The following GPC5 variants were observed in gnomAD, a reference collection of about 807,000 sequenced individuals.
GPC5 encodes glypican-5.
Under a neutral mutation model 53.9 loss-of-function variants are expected in GPC5, and 47 were observed. The ratio of observed to expected loss-of-function variants is 0.87; its 90% CI spans 0.69 to 1.11. The LOEUF (loss-of-function observed/expected upper bound fraction) is 1.11. Ranked by LOEUF, GPC5 falls within the 50% of genes most tolerant of loss-of-function variation. The probability of loss-of-function intolerance (pLI) is 0.00; values close to 1 mark genes in which losing one functional copy is unlikely to be tolerated. For synonymous variants in GPC5, 286 were observed against 263.3 expected, an observed-to-expected ratio of 1.09 and a Z score of -0.84; for missense variants, 748 against 713.1, an observed-to-expected ratio of 1.05 and a Z score of -0.56.
chr13:92,252,732 G>A (rs780027552), intron 7 of GPC5, among the ~76,000 whole-genome samples: 1 of 152,056 alleles, frequency 6.6e-6, no homozygotes, highest in African/African-American at 2.4e-5. Flanking sequence ...AGTAGGATTT[G>A]GTAATGCACA....
intron 6 of GPC5, among the ~76,000 whole-genome samples, chr13:92,002,519 A>G (rs973238236): frequency 2.0e-5 from 3 of 152,212 alleles, no homozygotes; most frequent in Admixed American, 2.0e-4. Context: ...TGCCACCAAC[A>G]TTTTGTTGGA....
intron 7 of GPC5, among the ~76,000 whole-genome samples, chr13:92,476,984 T>C (rs1300852669): frequency 6.6e-6 from 1 of 150,378 alleles, no homozygotes; most frequent in Non-Finnish European, 1.5e-5. Flanking sequence ...GCATGGCACG[T>C]GTATACATAT....
In GPC5 at chr13:91,459,152, G is replaced by A. The variant is rs113489350; in HGVS notation, c.325+10230G>A. ...GTGCACCAAAATTTCAGAAGTCACC[G>A]CTAAAGAACTTATCCATGTAACCAA... is the stretch of plus-strand genomic sequence containing the variant. On this transcript the variant is annotated intron_variant, in intron 2 of 7. Coordinates refer to ENST00000377067, the MANE Select transcript of GPC5 (RefSeq NM_004466.6). 3.7e-3 allele frequency among the ~76,000 whole-genome samples: 567 copies of A among 151,834 alleles called. 2 individuals carry two copies. Among genetic ancestry groups the A allele is most frequent in the African/African-American group, 0.012 (484 of 41,416 alleles).
At chr13:92,340,030 T>C (rs1350555039) in intron 7 of GPC5, 1 of 152,142 alleles carries the variant, frequency 6.6e-6, no homozygotes, top group Non-Finnish European at 1.5e-5. Context: ...AGCACGTAGC[T>C]AAGTGTTCAC....
intron 6 of GPC5, among the ~76,000 whole-genome samples, chr13:91,988,685 A>C (rs1305001235): frequency 6.6e-6 from 1 of 152,158 alleles, no homozygotes; most frequent in South Asian, 2.1e-4. Context: ...GAAATTTAAG[A>C]TTTGTATTAT....
intron 2 of GPC5, among the ~76,000 whole-genome samples, chr13:91,530,539 C>T (rs776118077): frequency 1.3e-5 from 2 of 152,140 alleles, no homozygotes; most frequent in Non-Finnish European, 2.9e-5. Context: ...TACAAAAGTC[C>T]TAACATTTTC....
chr13:91,843,791 A>G (rs987615286), intron 5 of GPC5, among the ~76,000 whole-genome samples: 1 of 150,882 alleles, frequency 6.6e-6, no homozygotes, highest in Non-Finnish European at 1.5e-5. Context: ...TGCAATGTTA[A>G]AGAAAAGGGG....
At chr13:92,606,977 G>T (rs1027262845) in intron 7 of GPC5, among the ~76,000 whole-genome samples, 1 of 152,010 alleles carries the variant, frequency 6.6e-6, no homozygotes, top group Admixed American at 6.5e-5. Flanking sequence ...AAATATTGCT[G>T]TTATATTTTT....
chr13:91,729,252 G>A (rs168218), intron 4 of GPC5, among the ~76,000 whole-genome samples: 94,305 of 151,830 alleles, frequency 0.62, 29,740 homozygotes, highest in South Asian at 0.75. Flanking sequence ...TTCTACCACC[G>A]TGTCCATCAT....
chr13:91,708,430 C>T lies in GPC5; in HGVS notation c.1020+14549C>T, dbSNP rs138542936. The stretch of plus-strand genomic sequence containing the variant: ...TGTGAAAGAAGTCAGTCCAAAAGAC[C>T]GCATATTGTAAGATTCTGTTTATAT... On this transcript the variant is annotated intron_variant, in intron 3 of 7. Transcript: ENST00000377067. Among the ~76,000 whole-genome samples the T allele has an allele frequency of 3.9e-5, 6 of 152,090 alleles. No individual in the cohort carries two copies. In the East Asian group the frequency reaches 5.8e-4, roughly 15 times the overall value.
intron 7 of GPC5, among the ~76,000 whole-genome samples, chr13:92,349,179 T>C (rs2043453578): frequency 6.6e-6 from 1 of 152,208 alleles, no homozygotes; most frequent in Admixed American, 6.5e-5. Flanking sequence ...GTTTCACTCT[T>C]GTTGCCCAGG....
chr13:91,682,184 A>G (rs542187624), intron 2 of GPC5, among the ~76,000 whole-genome samples: 20 of 152,316 alleles, frequency 1.3e-4, no homozygotes, highest in African/African-American at 4.8e-4. Flanking sequence ...TAATAATACA[A>G]TGTGTGCTAT....
At chr13:92,654,218 A>T (rs1465433272) in intron 7 of GPC5, among the ~76,000 whole-genome samples, 1 of 152,210 alleles carries the variant, frequency 6.6e-6, no homozygotes, top group Non-Finnish European at 1.5e-5. Context: ...GTGCCTCATT[A>T]TAGGGGAGAG....
chr13:92,109,975 A>G (rs1037296312), intron 6 of GPC5, among the ~76,000 whole-genome samples: 3 of 152,212 alleles, frequency 2.0e-5, no homozygotes, highest in Non-Finnish European at 2.9e-5. Flanking sequence ...AAGGAAGCAG[A>G]GAAATGATAA....
At chr13:91,621,694 T>C (rs1594343036) in intron 2 of GPC5, among the ~76,000 whole-genome samples, 1 of 149,840 alleles carries the variant, frequency 6.7e-6, no homozygotes, top group Middle Eastern at 3.5e-3. Flanking sequence ...CTGTGTAACA[T>C]TCATTCTAAT....
chr13:91,655,171 T>G (rs972795754), intron 2 of GPC5, among the ~76,000 whole-genome samples: 3 of 152,168 alleles, frequency 2.0e-5, no homozygotes, highest in African/African-American at 7.2e-5. Context: ...GAAGGTTGTA[T>G]TCATTCTTTC....
intron 7 of GPC5, among the ~76,000 whole-genome samples, chr13:92,466,364 C>G (rs979206470): frequency 6.6e-6 from 1 of 151,928 alleles, no homozygotes; most frequent in Non-Finnish European, 1.5e-5. Context: ...ACTCCAGGTC[C>G]CTCCTAGTTA....
At chr13:91,462,764 A>G (rs1882016801) in intron 2 of GPC5, among the ~76,000 whole-genome samples, 1 of 152,030 alleles carries the variant, frequency 6.6e-6, no homozygotes. Context: ...CTGTGTTCAC[A>G]TTCTGATTTC....
chr13:92,316,414 A>G (rs1217547714), intron 7 of GPC5, among the ~76,000 whole-genome samples: 2 of 152,152 alleles, frequency 1.3e-5, no homozygotes, highest in African/African-American at 4.8e-5. Flanking sequence ...TCTAGCATTA[A>G]GCAGTCACAT....
Sources: allele counts gnomAD v4.1 joint callset (sites outside exome capture counted in the v4.1 genomes callset), GRCh38; gene constraint gnomAD v4.1.1; transcripts MANE v1.5; gene names NCBI Gene and HGNC (gene_info 2026-07-23, HGNC 2026-07-21).